STK3: variants seen among roughly 807,000 people sequenced by gnomAD.
The protein encoded by STK3 is serine/threonine-protein kinase 3.
In STK3, 41 loss-of-function variants were observed where a neutral mutation model predicts 58.0. The ratio of observed to expected loss-of-function variants is 0.71; its 90% CI spans 0.55 to 0.92. STK3 has a LOEUF of 0.92. Among genes scored for constraint, STK3 ranks in the 40% least tolerant of loss-of-function variants. The pLI, the probability that STK3 is intolerant of heterozygous loss-of-function variation, is 0.00. For missense variants in STK3, 479 were observed against 602.7 expected (o/e 0.79, Z 2.15); for synonymous variants, 170 against 191.0 (o/e 0.89, Z 0.91).
intron 8 of STK3, among the ~76,000 whole-genome samples, chr8:98,553,692 G>A (rs1329575676): frequency 6.6e-6 from 1 of 152,124 alleles, no homozygotes; most frequent in African/African-American, 2.4e-5. Flanking sequence ...GGCTGGGCAT[G>A]GGGGCTCACG....
chr8:98,418,247 G>C (rs1403290441), intron 3 of STK3, among the ~76,000 whole-genome samples: 1 of 152,246 alleles, frequency 6.6e-6, no homozygotes, highest in East Asian at 1.9e-4. Flanking sequence ...TGATCACTTT[G>C]ATGGACCAAT....
At chr8:98,862,642 C>T (rs1004930225) in intron 3 of STK3, among the ~76,000 whole-genome samples, 1 of 152,210 alleles carries the variant, frequency 6.6e-6, no homozygotes, top group Admixed American at 6.5e-5. Context: ...CAAATATCAC[C>T]AGTCACAGTC....
At chr8:98,806,044 G>A (rs1447058078) in intron 1 of STK3, among the ~76,000 whole-genome samples, 1 of 152,170 alleles carries the variant, frequency 6.6e-6, no homozygotes, top group Non-Finnish European at 1.5e-5. Flanking sequence ...ACTTAGTACA[G>A]TGATTCATTA....
chr8:98,615,278 C>G (rs1253388566), intron 6 of STK3, among the ~76,000 whole-genome samples: 3 of 147,238 alleles, frequency 2.0e-5, no homozygotes, highest in Non-Finnish European at 3.0e-5. Context: ...AACTAACAAA[C>G]AGAAAGGACA....
At chr8:98,718,752 A>T (rs1396253586) in intron 4 of STK3, among the ~76,000 whole-genome samples, 3 of 151,944 alleles carry the variant, frequency 2.0e-5, no homozygotes, top group African/African-American at 7.3e-5. Context: ...TAATATAGTA[A>T]GTATTAAATA....
At chr8:98,648,223 C>A (rs1820555816) in intron 6 of STK3, among the ~76,000 whole-genome samples, 1 of 152,166 alleles carries the variant, frequency 6.6e-6, no homozygotes, top group African/African-American at 2.4e-5. Context: ...CCCATATATG[C>A]TCCTTCACAT....
At chr8:98,454,261 C>T (rs1819335827), downstream of STK3, among the ~76,000 whole-genome samples, 1 of 152,190 alleles carries the variant, frequency 6.6e-6, no homozygotes, top group South Asian at 2.1e-4. Flanking sequence ...TCCTGACTCC[C>T]TCGAAGTTAG....
chr8:98,833,293 A>G (rs1375490302), intron 3 of STK3, among the ~76,000 whole-genome samples: 1 of 152,176 alleles, frequency 6.6e-6, no homozygotes, highest in Non-Finnish European at 1.5e-5. Flanking sequence ...AGTTTTGCCT[A>G]AAGAGTTCAA....
At chr8:98,386,649 C>T (rs867978105) in intron 1 of STK3, among the ~76,000 whole-genome samples, 5 of 152,224 alleles carry the variant, frequency 3.3e-5, no homozygotes, top group South Asian at 4.2e-4. Flanking sequence ...CAAGACTTCC[C>T]TCAATGTACC....
chr8:98,546,537 A>T (rs1476765835), intron 9 of STK3, among the ~76,000 whole-genome samples: 1 of 152,202 alleles, frequency 6.6e-6, no homozygotes, highest in African/African-American at 2.4e-5. Context: ...GTTAAAAATT[A>T]TATCAGCTTA....
intron 1 of STK3, among the ~76,000 whole-genome samples, chr8:98,899,914 A>G (rs1564091339): frequency 6.6e-6 from 1 of 152,206 alleles, no homozygotes; most frequent in Non-Finnish European, 1.5e-5. Context: ...CACCTCCCTT[A>G]GAAAACTGTA....
intron 3 of STK3, among the ~76,000 whole-genome samples, chr8:98,404,373 C>T (rs1473642033): frequency 1.3e-5 from 2 of 152,048 alleles, no homozygotes; most frequent in Admixed American, 1.3e-4. Context: ...TCCATGTCTA[C>T]AAACAATCAA....
downstream of STK3, among the ~76,000 whole-genome samples, chr8:98,368,253 T>G (rs747406809): frequency 2.0e-5 from 3 of 152,196 alleles, no homozygotes; most frequent in Non-Finnish European, 4.4e-5. Flanking sequence ...GCCTGGGGTA[T>G]GGAGGCAGGT....
intron 9 of STK3, 105 bp downstream of exon 9, chr8:98,547,864 A>G: frequency 3.7e-6 from 4 of 1,092,238 alleles, no homozygotes; most frequent in Non-Finnish European, 4.8e-6. Context: ...AAGAAACAAA[A>G]TTTTCCACAG....
the STK3 span, among the ~76,000 whole-genome samples, chr8:98,349,657 T>C: frequency 6.6e-6 from 1 of 152,230 alleles, no homozygotes; most frequent in African/African-American, 2.4e-5. Flanking sequence ...TTTCCATACA[T>C]GCTCTGAAAT....
intron 10 of STK3, among the ~76,000 whole-genome samples, chr8:98,483,794 T>G (rs1201212479): frequency 3.3e-5 from 5 of 152,182 alleles, no homozygotes. Flanking sequence ...TGAATTATCT[T>G]GGGTATCTTA....
upstream of STK3, among the ~76,000 whole-genome samples, chr8:98,389,073 G>A (rs1817820898): frequency 6.6e-6 from 1 of 152,150 alleles, no homozygotes; most frequent in African/African-American, 2.4e-5. Flanking sequence ...CCATGACTGA[G>A]CTCCATGATT....
Position 98,611,838 on chromosome 8 carries a change from G to A in STK3, c.685-15669C>T, listed in dbSNP as rs187236752. ...AGTGTAAGGTGTATCAAGGGTCAAA[G>A]ATCACTGCATGAATCAAACAGTATG... On this transcript the variant is annotated intron_variant, in intron 6 of 10. Transcript: ENST00000419617. Among the ~76,000 whole-genome samples the A allele has an allele frequency of 9.2e-3, 1,398 of 152,102 alleles. 17 individuals are homozygous for A. The highest frequency in any genetic ancestry group is 0.032 in the African/African-American group (1,321 of 41,490).
At chr8:98,604,189 C>G (rs1039963619) in intron 6 of STK3, among the ~76,000 whole-genome samples, 1 of 152,194 alleles carries the variant, frequency 6.6e-6, no homozygotes, top group African/African-American at 2.4e-5. Flanking sequence ...TGAGATACTC[C>G]AGGATAAAAA....
Sources: allele counts gnomAD v4.1 joint callset (sites outside exome capture counted in the v4.1 genomes callset), GRCh38; gene constraint gnomAD v4.1.1; transcripts MANE v1.5; gene names NCBI Gene and HGNC (gene_info 2026-07-23, HGNC 2026-07-21).